SAPCD2: variants seen among roughly 807,000 people sequenced by gnomAD.
SAPCD2 encodes the protein suppressor APC domain-containing protein 2.
Under a neutral mutation model 37.8 loss-of-function variants are expected in SAPCD2, and 34 were observed. That is an observed-to-expected ratio of 0.90 (90% CI 0.68 to 1.20). The LOEUF (loss-of-function observed/expected upper bound fraction) is 1.20. SAPCD2 is among the 50% of genes most tolerant of loss of function. The pLI is 0.00. For missense variants in SAPCD2, 572 were observed against 584.7 expected, an observed-to-expected ratio of 0.98 and a Z score of 0.22; for synonymous variants, 275 against 270.3, an observed-to-expected ratio of 1.02 and a Z score of -0.17.
intron 3 of SAPCD2, 125 bp from the exon 4 acceptor site, chr9:137,065,310 C>T (rs1832527768): frequency 2.2e-6 from 2 of 924,184 alleles, no homozygotes; most frequent in South Asian, 1.8e-5. Flanking sequence ...CTAGAGGGTC[C>T]CAGGGGCATT....
At chr9:137,066,561 C>G (rs1053101674) in intron 1 of SAPCD2, among the ~76,000 whole-genome samples, 187 bp from the exon 2 acceptor site, 1 of 152,234 alleles carries the variant, frequency 6.6e-6, no homozygotes, top group Non-Finnish European at 1.5e-5. Context: ...CTCACACTGG[C>G]TTGGGGAGGG....
chr9:137,064,604 C>CA lies in SAPCD2; in HGVS notation c.*54_*55insT. ...GAGGGTGGGTGCGATGGGGCGCCCACCCTCGAAGGGCTGAGTGCCAGGCTG... is the reference window on the plus strand; with the variant it reads ...GAGGGTGGGTGCGATGGGGCGCCCACACCTCGAAGGGCTGAGTGCCAGGCTG... On this transcript the variant is annotated 3_prime_UTR_variant, in exon 6 of 6. Transcript: ENST00000409687. 6.4e-7 allele frequency: 1 copy of CA among 1,556,076 alleles called. No homozygotes were observed. Among genetic ancestry groups the CA allele is most frequent in the East Asian group, 2.4e-5 (1 of 41,798 alleles).
chr9:137,065,442 C>T (rs1832529594), intron 3 of SAPCD2, 80 bp downstream of exon 3: 1 of 1,460,200 alleles, frequency 6.8e-7, no homozygotes, highest in Non-Finnish European at 9.1e-7. Context: ...GGAATAGGGG[C>T]AGCCACAATG....
In SAPCD2 at chr9:137,062,451, C is replaced by A. The variant is rs1832474025; in HGVS notation, c.*2208G>T. ...CCTTTTCCTTGGAACTTGATCAACA[C>A]AAAATCCTGAGGCCTGGTGTGGGTG... On this transcript the variant is annotated 3_prime_UTR_variant, in exon 6 of 6. Transcript: ENST00000409687. The A allele has an allele frequency of 6.6e-6, 1 of 152,156 alleles. No individual in the cohort carries two copies. Among genetic ancestry groups the A allele is most frequent in the Non-Finnish European group, 1.5e-5 (1 of 68,036 alleles). 9.4% of individuals were successfully genotyped at this position (152,156 alleles called of 1,614,324 possible).
In SAPCD2 at chr9:137,064,348, C is replaced by G. The variant is rs1431574611; in HGVS notation, c.*311G>C. 1.6e-5 allele frequency: 7 copies of G among 434,042 alleles called. No homozygotes were observed. The highest frequency in any genetic ancestry group is 4.0e-5 in the Admixed American group (1 of 24,838). 26.9% of individuals were successfully genotyped at this position (434,042 alleles called of 1,614,324 possible). A position where few individuals can be genotyped will look rare whatever the true frequency, so the allele number is the denominator to read the frequency against. ...GGCGGCACCGCTGGAAACGGGGGGA[C>G]GCTAACTCATGGAGGGGTACCCCAC... On this transcript the variant is annotated 3_prime_UTR_variant, in exon 6 of 6. Transcript: ENST00000409687.
At chr9:137,065,439 G>C in intron 3 of SAPCD2, 83 bp downstream of exon 3, 1 of 1,448,562 alleles carries the variant, frequency 6.9e-7, no homozygotes, top group South Asian at 1.3e-5. Flanking sequence ...CCGGGAATAG[G>C]GGCAGCCACA....
rs568597388 is a variant in SAPCD2, at chr9:137,065,415, G to T, written c.831+107C>A. 7 of 1,340,936 alleles carry T rather than the reference G, an allele frequency of 5.2e-6. No homozygotes were observed. In the South Asian group the frequency reaches 1.0e-4, roughly 20 times the overall value. 83.1% of individuals were successfully genotyped at this position (1,340,936 alleles called of 1,614,324 possible). A position where few individuals can be genotyped will look rare whatever the true frequency, so the allele number is the denominator to read the frequency against. On this transcript the variant is annotated intron_variant, in intron 3 of 5. Coordinates refer to ENST00000409687, the MANE Select transcript of SAPCD2 (RefSeq NM_178448.4). Reference sequence around the variant, plus strand: ...ATGTCTCAGCATCCTGGGTGGAATCGACAGCCACTGTGTCCGGGAATAGGG... The same window carrying T: ...ATGTCTCAGCATCCTGGGTGGAATCTACAGCCACTGTGTCCGGGAATAGGG...
chr9:137,070,443 C>A lies in SAPCD2; in HGVS notation c.18G>T (p.Met6Ile). 8.0e-7 allele frequency: 1 copy of A among 1,244,238 alleles called. No homozygotes were observed. The highest frequency in any genetic ancestry group is 4.3e-5 in the Admixed American group (1 of 23,402). The allele number at this position is 1,244,238 out of a possible 1,614,324, so 77.1% of individuals were successfully genotyped here. A position where few individuals can be genotyped will look rare whatever the true frequency, so the allele number is the denominator to read the frequency against. Residue 6 changes from methionine to isoleucine, a missense_variant, in exon 1 of 6, where the codon ATG (methionine) becomes ATT (isoleucine). Physicochemically the swap from Met to Ile is conservative, Grantham distance 10. Transcript: ENST00000409687. MAGAA[M>I]AERGRVPPPA... ...GGGGAGGCACGCGGCCCCGCTCGGC[C>A]ATGGCGGCCCCGGCCATGGGCGCCC...
At position 137,064,133 on chromosome 9, in the gene SAPCD2, C is replaced by T. The variant is rs567462723; in HGVS notation, c.*526G>A. 1.2e-3 allele frequency: 212 copies of T among 174,844 alleles called. 1 individual carries two copies. The highest frequency in any genetic ancestry group is 5.9e-4 in the Non-Finnish European group (48 of 80,936). The allele number at this position is 174,844 out of a possible 1,614,324, so 10.8% of individuals were successfully genotyped here. On this transcript the variant is annotated 3_prime_UTR_variant, in exon 6 of 6. Coordinates refer to ENST00000409687, the MANE Select transcript of SAPCD2 (RefSeq NM_178448.4). Reference sequence around the variant, plus strand: ...GCTCCCCAGCCAGGCAGGCACCCCCCGCTTACAGGCCGTCCCCACCCCCTC... The same window carrying T: ...GCTCCCCAGCCAGGCAGGCACCCCCTGCTTACAGGCCGTCCCCACCCCCTC...
Position 137,062,397 on chromosome 9 carries a change from C to T in SAPCD2, c.*2262G>A, listed in dbSNP as rs1330386469. ...TGGCCTCAAGTGCTGGGATTCCAGG[C>T]GTGAACCACCACGCCCGGCTGAGAT... On this transcript the variant is annotated 3_prime_UTR_variant, in exon 6 of 6. Transcript: ENST00000409687. The T allele has an allele frequency of 1.3e-5, 2 of 151,772 alleles. No homozygotes were observed. The highest frequency in any genetic ancestry group is 2.9e-5 in the Non-Finnish European group (2 of 67,966). The allele number at this position is 151,772 out of a possible 1,614,324, so 9.4% of individuals were successfully genotyped here. A position where few individuals can be genotyped will look rare whatever the true frequency, so the allele number is the denominator to read the frequency against.
intron 2 of SAPCD2, 75 bp downstream of exon 2, chr9:137,066,187 G>GC (rs1005414571): frequency 8.6e-7 from 1 of 1,168,430 alleles, no homozygotes; most frequent in South Asian, 1.3e-5. Context: ...CAGGCTCAAG[G>GC]CCCCCCTGCT....
At chr9:137,066,521 G>T in intron 1 of SAPCD2, 147 bp from the exon 2 acceptor site, 2 of 618,216 alleles carry the variant, frequency 3.2e-6, no homozygotes, top group Non-Finnish European at 2.8e-6. Context: ...GTGCCAGGCT[G>T]GAGTTTGGTC....
intron 1 of SAPCD2, among the ~76,000 whole-genome samples, chr9:137,067,011 T>C (rs34552271): frequency 2.5e-3 from 386 of 151,972 alleles, no homozygotes; most frequent in African/African-American, 8.9e-3. Flanking sequence ...TCTTGAGACG[T>C]TGTTTTGTTC....
chr9:137,067,987 G>A (rs1832574408), intron 1 of SAPCD2, among the ~76,000 whole-genome samples: 1 of 152,104 alleles, frequency 6.6e-6, no homozygotes, highest in Admixed American at 6.5e-5. Context: ...CCAGGCTACA[G>A]AAGTGGGTAC....
At position 137,062,132 on chromosome 9, in the gene SAPCD2, G is replaced by A. The variant is rs1045698352; in HGVS notation, c.*2527C>T. The A allele has an allele frequency of 6.6e-6, 1 of 152,114 alleles. No individual in the cohort carries two copies. The highest frequency in any genetic ancestry group is 2.4e-5 in the African/African-American group (1 of 41,426). The allele number at this position is 152,114 out of a possible 1,614,324, so 9.4% of individuals were successfully genotyped here. A position where few individuals can be genotyped will look rare whatever the true frequency, so the allele number is the denominator to read the frequency against. ...ACTATAAATACCACTCCTTGTTCATGTTTCCAGAAATCTCTTTTATTTCTT... is the reference window on the plus strand; with the variant it reads ...ACTATAAATACCACTCCTTGTTCATATTTCCAGAAATCTCTTTTATTTCTT... On this transcript the variant is annotated 3_prime_UTR_variant, in exon 6 of 6. Transcript: ENST00000409687.
chr9:137,065,544 A>T lies in SAPCD2; in HGVS notation c.809T>A (p.Leu270Gln). 1 of 1,606,012 alleles carries T rather than the reference A, an allele frequency of 6.2e-7. No individual in the cohort carries two copies. Among genetic ancestry groups the T allele is most frequent in the Admixed American group, 1.7e-5 (1 of 59,744 alleles). Residue 270 changes from leucine to glutamine, a missense_variant, in exon 3 of 6, where the codon CTG becomes CAG. Leu to Gln is a moderately radical substitution (Grantham distance 113). Transcript: ENST00000409687. ...LQRVQERQRR[L>Q]GQSRASADFG... ...CACGGCGCTGGCTCTGCTCTGGCCC[A>T]GGCGGCGCTGGCGCTCCTGCACTCG...
chr9:137,069,849 G>A, intron 1 of SAPCD2, 41 bp downstream of exon 1: 2 of 1,215,016 alleles, frequency 1.6e-6, no homozygotes, highest in Non-Finnish European at 2.1e-6. Context: ...GCCCGGGCCC[G>A]GGAGAGCTAC....
Position 137,070,097 on chromosome 9 carries a change from G to T in SAPCD2, c.364C>A (p.Arg122Ser), listed in dbSNP as rs1832602531. The change falls in exon 1 of 6, where the codon CGC (arginine) becomes AGC (serine). Residue 122 changes from arginine to serine, a missense_variant. Physicochemically the swap from Arg to Ser is moderately radical, Grantham distance 110. Coordinates refer to ENST00000409687, the MANE Select transcript of SAPCD2 (RefSeq NM_178448.4). ...PGDQPPPPPQRLVFAPADEPR... is the reference protein window; with the variant it reads ...PGDQPPPPPQSLVFAPADEPR... ...TCGTCGGCCGGAGCGAACACCAGGC[G>T]CTGCGGCGGCGGCGGCGGCTGATCC... The T allele has an allele frequency of 8.4e-7, 1 of 1,191,066 alleles. No homozygotes were observed. The highest frequency in any genetic ancestry group is 4.2e-5 in the South Asian group (1 of 24,070). 73.8% of individuals were successfully genotyped at this position (1,191,066 alleles called of 1,614,324 possible). A position where few individuals can be genotyped will look rare whatever the true frequency, so the allele number is the denominator to read the frequency against.
chr9:137,065,504 C>T lies in SAPCD2; in HGVS notation c.831+18G>A. The T allele has an allele frequency of 6.3e-7, 1 of 1,578,828 alleles. No individual in the cohort carries two copies. Among genetic ancestry groups the T allele is most frequent in the Non-Finnish European group, 8.6e-7 (1 of 1,159,354 alleles). ...GTCCCCATGTGTGGGGATCTGGGGA[C>T]AGGGCTGTGGCACTCACGGCGCTGG... On this transcript the variant is annotated intron_variant, in intron 3 of 5. Coordinates refer to ENST00000409687, the MANE Select transcript of SAPCD2 (RefSeq NM_178448.4).
Sources: gnomAD v4.1 joint callset for allele counts (sites outside exome capture counted in the v4.1 genomes callset) on GRCh38, gnomAD v4.1.1 for gene constraint, MANE v1.5 for transcripts, NCBI Gene and HGNC (gene_info 2026-07-23, HGNC 2026-07-21) for gene names.